The following R3HCC1L variants were observed in gnomAD, a reference collection of about 807,000 sequenced individuals.
R3HCC1L encodes the protein coiled-coil domain-containing protein R3HCC1L.
Under a neutral mutation model 59.9 loss-of-function variants are expected in R3HCC1L, and 51 were observed. That is an observed-to-expected ratio of 0.85 (90% CI 0.68 to 1.07). The LOEUF is 1.07. R3HCC1L is among the 50% of genes least tolerant of loss of function. The pLI is 0.00. For missense variants in R3HCC1L, 965 were observed against 933.0 expected (o/e 1.03, Z -0.45); for synonymous variants, 322 against 315.2 (o/e 1.02, Z -0.23).
intron 4 of R3HCC1L, among the ~76,000 whole-genome samples, chr10:98,176,946 C>G (rs1326662042): frequency 1.3e-5 from 2 of 151,924 alleles, no homozygotes; most frequent in Non-Finnish European, 2.9e-5. Context: ...TTATGTACAT[C>G]TATTGAGATA....
Position 98,152,647 on chromosome 10 carries a change from G to A in R3HCC1L, c.-267-3446G>A, listed in dbSNP as rs534482973. ...GGGAGCGCCTCTGCCCCGCCACCCCGTCTGGGATGTGAGGAGCGCCTCTGC... is the reference window on the plus strand; with the variant it reads ...GGGAGCGCCTCTGCCCCGCCACCCCATCTGGGATGTGAGGAGCGCCTCTGC... On this transcript the variant is annotated intron_variant, in intron 1 of 9. Coordinates refer to ENST00000298999, the MANE Select transcript of R3HCC1L (RefSeq NM_001351015.2). Among the ~76,000 whole-genome samples the A allele has an allele frequency of 1.5e-3, 179 of 117,952 alleles. 13 individuals are homozygous for A. The highest frequency in any genetic ancestry group is 4.8e-3 in the African/African-American group (168 of 35,258). 77.4% of individuals were successfully genotyped at this position (117,952 alleles called of 152,430 possible).
chr10:98,144,509 C>T (rs1277342172), intron 1 of R3HCC1L, among the ~76,000 whole-genome samples: 1 of 152,178 alleles, frequency 6.6e-6, no homozygotes, highest in Non-Finnish European at 1.5e-5. Flanking sequence ...CCACCGTGCC[C>T]AGCCTGGGCA....
intron 4 of R3HCC1L, among the ~76,000 whole-genome samples, chr10:98,191,507 T>C (rs558028630): frequency 1.3e-5 from 2 of 152,316 alleles, no homozygotes; most frequent in South Asian, 4.1e-4. Context: ...GCTGTTTGTT[T>C]TTTTCTTGTA....
intron 5 of R3HCC1L, among the ~76,000 whole-genome samples, chr10:98,223,102 C>A (rs1225681368): frequency 6.6e-6 from 1 of 152,060 alleles, no homozygotes; most frequent in Non-Finnish European, 1.5e-5. Flanking sequence ...CTGAATTCTA[C>A]CAGAGGTACA....
chr10:98,189,504 C>T (rs1040389913), intron 4 of R3HCC1L, among the ~76,000 whole-genome samples: 1 of 152,046 alleles, frequency 6.6e-6, no homozygotes, highest in African/African-American at 2.4e-5. Flanking sequence ...CTCTTTAGTT[C>T]AGATATGTTA....
intron 5 of R3HCC1L, among the ~76,000 whole-genome samples, chr10:98,216,624 G>A (rs913034575): frequency 6.6e-6 from 1 of 152,176 alleles, no homozygotes; most frequent in Non-Finnish European, 1.5e-5. Context: ...CCAGGCTAGA[G>A]TGCAGTGGCA....
At chr10:98,240,103 T>C (rs1205532067) in intron 9 of R3HCC1L, among the ~76,000 whole-genome samples, 1 of 152,140 alleles carries the variant, frequency 6.6e-6, no homozygotes, top group Non-Finnish European at 1.5e-5. Flanking sequence ...GTCAGGTGTT[T>C]GAGTCCAGCC....
intron 9 of R3HCC1L, among the ~76,000 whole-genome samples, chr10:98,240,163 G>A (rs529431867): frequency 2.8e-4 from 42 of 152,182 alleles, no homozygotes; most frequent in African/African-American, 9.6e-4. Flanking sequence ...AAAATTAGCC[G>A]GGCATGGTGG....
At chr10:98,150,681 G>T (rs1564616859) in intron 1 of R3HCC1L, among the ~76,000 whole-genome samples, 1 of 152,056 alleles carries the variant, frequency 6.6e-6, no homozygotes, top group Non-Finnish European at 1.5e-5. Flanking sequence ...CTGGCTATGG[G>T]TTCATGCCCA....
intron 4 of R3HCC1L, among the ~76,000 whole-genome samples, chr10:98,195,592 C>CAA (rs751117797): frequency 7.7e-6 from 1 of 130,510 alleles, no homozygotes; most frequent in African/African-American, 2.7e-5. Flanking sequence ...TTAAAATACA[C>CAA]ACAAAAAAAA....
At chr10:98,142,656 C>T (rs1354821655) in intron 1 of R3HCC1L, among the ~76,000 whole-genome samples, 2 of 150,304 alleles carry the variant, frequency 1.3e-5, no homozygotes, top group South Asian at 2.1e-4. Flanking sequence ...AAAAGTAGGC[C>T]GGGTACGGTG....
chr10:98,222,242 T>A (rs1855081032), intron 5 of R3HCC1L, among the ~76,000 whole-genome samples: 1 of 152,206 alleles, frequency 6.6e-6, no homozygotes, highest in Non-Finnish European at 1.5e-5. Context: ...ATCCTGAGTC[T>A]TTGCTGAAGT....
intron 1 of R3HCC1L, among the ~76,000 whole-genome samples, chr10:98,150,695 G>A (rs1454350105): frequency 6.6e-6 from 1 of 152,070 alleles, no homozygotes; most frequent in Non-Finnish European, 1.5e-5. Flanking sequence ...ATGCCCAGGT[G>A]ACTTGTGGAA....
At chr10:98,202,670 G>A (rs1264711167) in intron 4 of R3HCC1L, among the ~76,000 whole-genome samples, 1 of 152,056 alleles carries the variant, frequency 6.6e-6, no homozygotes, top group Non-Finnish European at 1.5e-5. Context: ...TGGCCAATAT[G>A]GTGAAACCCT....
intron 1 of R3HCC1L, among the ~76,000 whole-genome samples, chr10:98,154,916 G>A (rs951839502): frequency 1.3e-5 from 2 of 152,002 alleles, no homozygotes; most frequent in Admixed American, 1.3e-4. Context: ...TTCTCATAAA[G>A]AAAAAAATAT....
intron 1 of R3HCC1L, 65 bp downstream of exon 1, chr10:98,134,771 C>T (rs964750654): frequency 1.1e-4 from 16 of 152,286 alleles, no homozygotes; most frequent in African/African-American, 3.9e-4. Flanking sequence ...CCCCACTTCT[C>T]CCTTCACAGC....
chr10:98,195,750 G>A (rs1590659717), intron 4 of R3HCC1L, among the ~76,000 whole-genome samples: 1 of 152,052 alleles, frequency 6.6e-6, no homozygotes, highest in East Asian at 1.9e-4. Flanking sequence ...AGCCTGTAGT[G>A]GCCAAGAAAA....
In R3HCC1L at chr10:98,174,519, A is replaced by G. The variant is rs774713301; in HGVS notation, c.-15+11122A>G. 8 of 882,034 alleles carry G rather than the reference A, an allele frequency of 9.1e-6. No homozygotes were observed. In the South Asian group the frequency reaches 4.2e-4, roughly 46 times the overall value. The allele number at this position is 882,034 out of a possible 1,614,324, so 54.6% of individuals were successfully genotyped here. A position where few individuals can be genotyped will look rare whatever the true frequency, so the allele number is the denominator to read the frequency against. Reference sequence around the variant, plus strand: ...TGTAGAGTGTGAGATGGCATTCATAAATGAAACAGTTGAATAAGAATATAA... The same window carrying G: ...TGTAGAGTGTGAGATGGCATTCATAGATGAAACAGTTGAATAAGAATATAA... On this transcript the variant is annotated intron_variant, in intron 4 of 9. Transcript: ENST00000298999.
In R3HCC1L at chr10:98,178,423, A is replaced by C. The variant is rs532944371; in HGVS notation, c.-15+15026A>C. Among the ~76,000 whole-genome samples, 14 of 152,072 alleles carry C rather than the reference A, an allele frequency of 9.2e-5. No individual in the cohort carries two copies. In the South Asian group the frequency reaches 2.1e-3, roughly 23 times the overall value. On this transcript the variant is annotated intron_variant, in intron 4 of 9. Transcript: ENST00000298999. ...CCTCTGTTCTGTTCCATTGGTCTAT[A>C]TCTCTGTTTTGGTACCAGTACCATG...
Sources: gnomAD v4.1 joint callset for allele counts (sites outside exome capture counted in the v4.1 genomes callset) on GRCh38, gnomAD v4.1.1 for gene constraint, MANE v1.5 for transcripts, NCBI Gene and HGNC (gene_info 2026-07-23, HGNC 2026-07-21) for gene names.